THSD4: variants seen among roughly 807,000 people sequenced by gnomAD.
THSD4 encodes the protein thrombospondin type 1 domain containing 4.
A neutral mutation model predicts 119.0 loss-of-function variants in THSD4; 69 were observed. The observed-to-expected ratio is 0.58, with a 90% CI of 0.48 to 0.71. The LOEUF is 0.71. Among genes scored for constraint, THSD4 ranks in the 30% least tolerant of loss-of-function variants. THSD4 has a pLI of 0.00. For missense variants in THSD4, 1,393 were observed against 1,391.1 expected (o/e 1.00, Z -0.02); for synonymous variants, 524 against 540.4 (o/e 0.97, Z 0.42).
intron 4 of THSD4, among the ~76,000 whole-genome samples, chr15:71,218,428 C>A (rs1241471748): frequency 6.6e-6 from 1 of 152,180 alleles, no homozygotes; most frequent in Non-Finnish European, 1.5e-5. Context: ...GAGGATCAGG[C>A]TCTTGTTGGC....
chr15:71,245,971 A>G (rs2044196219), intron 5 of THSD4, among the ~76,000 whole-genome samples: 2 of 152,112 alleles, frequency 1.3e-5, no homozygotes, highest in Non-Finnish European at 2.9e-5. Context: ...TCTCAGCATC[A>G]ATGACCTCAT....
chr15:71,291,022 T>G (rs2044785208), intron 6 of THSD4, among the ~76,000 whole-genome samples: 1 of 152,116 alleles, frequency 6.6e-6, no homozygotes, highest in Non-Finnish European at 1.5e-5. Flanking sequence ...GGCATTTACC[T>G]TAATTTTTCT....
intron 1 of THSD4, among the ~76,000 whole-genome samples, chr15:71,121,608 G>A (rs1164343016): frequency 1.3e-5 from 2 of 151,952 alleles, no homozygotes; most frequent in Admixed American, 6.6e-5. Flanking sequence ...CCTGCCCCTC[G>A]TCTCCTGCCC....
intron 7 of THSD4, among the ~76,000 whole-genome samples, chr15:71,582,511 G>A (rs748666038): frequency 3.3e-5 from 5 of 151,974 alleles, no homozygotes; most frequent in Non-Finnish European, 7.4e-5. Flanking sequence ...TAGTAGTTCA[G>A]TATTATGTTG....
chr15:71,122,913 G>C (rs2040419879), intron 1 of THSD4, among the ~76,000 whole-genome samples: 1 of 152,218 alleles, frequency 6.6e-6, no homozygotes, highest in African/African-American at 2.4e-5. Context: ...AGCAAGAGCT[G>C]TAATAAGAGT....
chr15:71,165,932 G>A (rs1420783619), intron 3 of THSD4, among the ~76,000 whole-genome samples: 4 of 152,128 alleles, frequency 2.6e-5, no homozygotes, highest in Non-Finnish European at 4.4e-5. Context: ...CAGGCCAAGG[G>A]TGTGTGTGGG....
At chr15:71,207,369 T>C (rs897557268) in intron 3 of THSD4, among the ~76,000 whole-genome samples, 8 of 152,242 alleles carry the variant, frequency 5.3e-5, no homozygotes, top group African/African-American at 1.7e-4. Flanking sequence ...CTGGGCTCGC[T>C]TAATCATGAG....
At chr15:71,329,484 C>T (rs1324805789) in intron 6 of THSD4, among the ~76,000 whole-genome samples, 1 of 152,194 alleles carries the variant, frequency 6.6e-6, no homozygotes, top group African/African-American at 2.4e-5. Flanking sequence ...AACCCTGAAA[C>T]GTCCTTTGCT....
intron 6 of THSD4, among the ~76,000 whole-genome samples, chr15:71,400,816 G>A (rs189056638): frequency 4.7e-5 from 7 of 150,396 alleles, no homozygotes; most frequent in Admixed American, 4.0e-4. Context: ...CAGGGATATC[G>A]TATATTCCAC....
chr15:71,543,045 C>CTAAATGTAATTGTGGT (rs1278956106), intron 7 of THSD4, among the ~76,000 whole-genome samples: 3 of 151,704 alleles, frequency 2.0e-5, no homozygotes, highest in Admixed American at 1.3e-4. Context: ...ATTGTGGTCT[C>CTAAATGTAATTGTGGT]CTGGATTGGG....
At chr15:71,496,555 A>AG (rs1302943469) in intron 7 of THSD4, among the ~76,000 whole-genome samples, 2 of 152,180 alleles carry the variant, frequency 1.3e-5, no homozygotes, top group Non-Finnish European at 2.9e-5. Context: ...CCAGGCAGCA[A>AG]GGTAAAGAAA....
At chr15:71,274,035 A>T (rs181021810) in intron 6 of THSD4, among the ~76,000 whole-genome samples, 63 of 152,314 alleles carry the variant, frequency 4.1e-4, no homozygotes, top group African/African-American at 1.4e-3. Context: ...CCTGGTAACA[A>T]GGGTTGGATT....
At chr15:71,635,811 C>A (rs2050728210) in intron 7 of THSD4, among the ~76,000 whole-genome samples, 1 of 152,180 alleles carries the variant, frequency 6.6e-6, no homozygotes, top group Non-Finnish European at 1.5e-5. Flanking sequence ...CAACATGGCA[C>A]TTTAAAAGAA....
Position 71,494,771 on chromosome 15 carries a change from T to C in THSD4, c.1152+82948T>C, listed in dbSNP as rs190180588. ...ATTTTATGCCAGTGCTAGTGAAATTTCACAGCTGGTTATTAAAAGATCCCA... is the reference window on the plus strand; with the variant it reads ...ATTTTATGCCAGTGCTAGTGAAATTCCACAGCTGGTTATTAAAAGATCCCA... On this transcript the variant is annotated intron_variant, in intron 7 of 17. Coordinates refer to ENST00000261862, the MANE Select transcript of THSD4 (RefSeq NM_024817.3). Among the ~76,000 whole-genome samples the C allele has an allele frequency of 4.6e-5, 7 of 152,376 alleles. No individual in the cohort carries two copies. In the East Asian group the frequency reaches 1.2e-3, roughly 25 times the overall value.
rs544275357 is a variant in THSD4, at chr15:71,382,534, C to T, written c.1016-29153C>T. ...CCAGTCATTCTTTTCTTCCTTCATT[C>T]CTTCTGAAACCACCTCCAAACTAGA... On this transcript the variant is annotated intron_variant, in intron 6 of 17. Transcript: ENST00000261862. Among the ~76,000 whole-genome samples, 3 of 152,228 alleles carry T rather than the reference C, an allele frequency of 2.0e-5. No homozygotes were observed. The South Asian group carries it at 6.2e-4, about 32-fold the overall frequency.
intron 1 of THSD4, among the ~76,000 whole-genome samples, chr15:71,108,334 C>T (rs1014318908): frequency 2.6e-5 from 4 of 152,220 alleles, no homozygotes; most frequent in African/African-American, 7.2e-5. Flanking sequence ...GTCCACATTG[C>T]TGGGCTAAGC....
At chr15:71,452,003 C>T (rs922223492) in intron 7 of THSD4, among the ~76,000 whole-genome samples, 9 of 152,268 alleles carry the variant, frequency 5.9e-5, no homozygotes, top group African/African-American at 2.2e-4. Context: ...TTGGTGGACT[C>T]CAGCCTTCCC....
chr15:71,324,122 CTG>C (rs1211720857), intron 6 of THSD4, among the ~76,000 whole-genome samples: 2 of 152,046 alleles, frequency 1.3e-5, no homozygotes, highest in African/African-American at 4.8e-5. Context: ...CAGGTATACT[CTG>C]TATCTGTTTA....
intron 1 of THSD4, among the ~76,000 whole-genome samples, chr15:71,109,872 A>G (rs1440674945): frequency 6.6e-6 from 1 of 152,218 alleles, no homozygotes; most frequent in East Asian, 1.9e-4. Context: ...AAAGCCATGA[A>G]CTTGGAGACC....
Sources: allele counts gnomAD v4.1 joint callset (sites outside exome capture counted in the v4.1 genomes callset), GRCh38; gene constraint gnomAD v4.1.1; transcripts MANE v1.5; gene names NCBI Gene and HGNC (gene_info 2026-07-23, HGNC 2026-07-21).